Variants in KCNQ5 observed in about 807,000 individuals in gnomAD.
KCNQ5 encodes the protein potassium voltage-gated channel subfamily Q member 5, also known as potassium voltage-gated channel subfamily KQT member 5.
KCNQ5 carries 30 observed loss-of-function variants against 98.2 expected under a neutral mutation model. That is an observed-to-expected ratio of 0.31 (90% CI 0.23 to 0.41). The LOEUF is 0.41. Among genes scored for constraint, KCNQ5 ranks in the 10% least tolerant of loss-of-function variants. The pLI, the probability that KCNQ5 is intolerant of heterozygous loss-of-function variation, is 1.00. For missense variants in KCNQ5, 835 were observed against 1,182.5 expected, an observed-to-expected ratio of 0.71 and a Z score of 4.31; for synonymous variants, 458 against 449.4, an observed-to-expected ratio of 1.02 and a Z score of -0.24.
chr6:72,899,083 G>T (rs1288977908), intron 1 of KCNQ5, among the ~76,000 whole-genome samples: 2 of 152,036 alleles, frequency 1.3e-5, no homozygotes. Context: ...TTAGACCTTT[G>T]TCAGATGGGT....
At chr6:72,690,000 G>A (rs753298841) in intron 1 of KCNQ5, among the ~76,000 whole-genome samples, 3 of 152,072 alleles carry the variant, frequency 2.0e-5, no homozygotes, top group Non-Finnish European at 2.9e-5. Flanking sequence ...ATGGCCAGGC[G>A]CGGTTGCTTA....
At chr6:73,133,793 T>A in intron 10 of KCNQ5, 152 bp downstream of exon 10, 1 of 798,478 alleles carries the variant, frequency 1.3e-6, no homozygotes, top group South Asian at 1.6e-5. Flanking sequence ...AGTTTATTCA[T>A]TGCCTTGGGC....
intron 1 of KCNQ5, among the ~76,000 whole-genome samples, chr6:72,930,670 C>G (rs1765652975): frequency 6.6e-6 from 1 of 151,060 alleles, no homozygotes; most frequent in South Asian, 2.1e-4. Context: ...ACCATATGCA[C>G]TACTGCGTGA....
intron 1 of KCNQ5, among the ~76,000 whole-genome samples, chr6:72,947,998 A>G (rs966246655): frequency 3.3e-5 from 5 of 152,164 alleles, no homozygotes; most frequent in Non-Finnish European, 5.9e-5. Context: ...ATCCACTTAT[A>G]AAATGTTGTG....
intron 1 of KCNQ5, among the ~76,000 whole-genome samples, chr6:72,862,658 C>T (rs889595101): frequency 6.6e-6 from 1 of 152,026 alleles, no homozygotes; most frequent in African/African-American, 2.4e-5. Flanking sequence ...GACAGGGTCT[C>T]GCTCTGTCAC....
At chr6:73,057,703 A>G (rs1157349016) in intron 3 of KCNQ5, among the ~76,000 whole-genome samples, 1 of 152,172 alleles carries the variant, frequency 6.6e-6, no homozygotes, top group Non-Finnish European at 1.5e-5. Flanking sequence ...ATTCAGTGCT[A>G]TTCCTATCAA....
intron 1 of KCNQ5, among the ~76,000 whole-genome samples, chr6:72,654,838 G>GA (rs550067708): frequency 1.3e-3 from 192 of 152,026 alleles, no homozygotes; most frequent in African/African-American, 3.8e-3. Flanking sequence ...TAAAATAAAG[G>GA]TATTGAAGGA....
At chr6:73,020,394 G>A (rs910811290) in intron 2 of KCNQ5, among the ~76,000 whole-genome samples, 2 of 151,314 alleles carry the variant, frequency 1.3e-5, no homozygotes, top group African/African-American at 4.8e-5. Context: ...AAAGGATACA[G>A]ATGAAGAGAT....
chr6:72,961,251 A>G lies in KCNQ5; in HGVS notation c.399-42657A>G, dbSNP rs559130955. On this transcript the variant is annotated intron_variant, in intron 1 of 13. Transcript: ENST00000370398. ...GAAAAATTAGATAATGACACAAAAT[A>G]CACATTTATAATCACATGCCAAACT... 6.6e-5 allele frequency among the ~76,000 whole-genome samples: 10 copies of G among 152,304 alleles called. No individual in the cohort carries two copies. The South Asian group carries it at 1.9e-3, about 28-fold the overall frequency.
At chr6:72,641,074 T>C (rs888727632) in intron 1 of KCNQ5, among the ~76,000 whole-genome samples, 7 of 152,204 alleles carry the variant, frequency 4.6e-5, no homozygotes, top group Admixed American at 4.6e-4. Flanking sequence ...AGTTAAATTC[T>C]GAAGACGGTG....
At chr6:72,748,617 G>A (rs1189531366) in intron 1 of KCNQ5, among the ~76,000 whole-genome samples, 2 of 152,048 alleles carry the variant, frequency 1.3e-5, no homozygotes, top group East Asian at 3.9e-4. Flanking sequence ...CTTCATTAAG[G>A]GATATGAGGC....
At chr6:72,868,747 C>G (rs1189435093) in intron 1 of KCNQ5, among the ~76,000 whole-genome samples, 1 of 152,054 alleles carries the variant, frequency 6.6e-6, no homozygotes, top group African/African-American at 2.4e-5. Context: ...GCTGAGCTCC[C>G]ATAACGAGAT....
At chr6:72,845,500 G>A (rs1407280620) in intron 1 of KCNQ5, among the ~76,000 whole-genome samples, 4 of 152,164 alleles carry the variant, frequency 2.6e-5, no homozygotes, top group African/African-American at 7.2e-5. Flanking sequence ...TCAGATATCA[G>A]ATATTGTTAT....
intron 1 of KCNQ5, among the ~76,000 whole-genome samples, chr6:72,874,885 A>G (rs1285826786): frequency 2.0e-5 from 3 of 152,222 alleles, no homozygotes; most frequent in Non-Finnish European, 2.9e-5. Context: ...TCAAAAACAT[A>G]TAGCAGGGTT....
intron 1 of KCNQ5, among the ~76,000 whole-genome samples, chr6:72,912,252 C>T (rs1779971470): frequency 6.6e-6 from 1 of 152,014 alleles, no homozygotes; most frequent in Non-Finnish European, 1.5e-5. Flanking sequence ...GGGCTATGTA[C>T]ATATAGGTAA....
chr6:73,157,906 G>T (rs1338260375), intron 10 of KCNQ5: 15 of 775,934 alleles, frequency 1.9e-5, no homozygotes, highest in Middle Eastern at 2.6e-4. Context: ...GGCCGCTTCT[G>T]CTCCTGCCCC....
At chr6:73,192,017 C>T (rs934024042) in intron 12 of KCNQ5, among the ~76,000 whole-genome samples, 14 of 152,152 alleles carry the variant, frequency 9.2e-5, no homozygotes, top group Non-Finnish European at 1.3e-4. Context: ...ATGGCCATGG[C>T]CTTCTAAGTT....
chr6:72,716,946 C>G (rs1769677885), intron 1 of KCNQ5, among the ~76,000 whole-genome samples: 1 of 152,156 alleles, frequency 6.6e-6, no homozygotes, highest in African/African-American at 2.4e-5. Context: ...CTACTCCATG[C>G]CAAAGAGTCT....
At chr6:73,157,891 T>C (rs1299540705) in intron 10 of KCNQ5, 5 of 777,036 alleles carry the variant, frequency 6.4e-6, no homozygotes, top group Non-Finnish European at 1.2e-5. Context: ...GTTCAGCGCA[T>C]TTTTGGCCGC....
Sources: gnomAD v4.1 joint callset for allele counts (sites outside exome capture counted in the v4.1 genomes callset) on GRCh38, gnomAD v4.1.1 for gene constraint, MANE v1.5 for transcripts, NCBI Gene and HGNC (gene_info 2026-07-23, HGNC 2026-07-21) for gene names.